ADAMTS12: variants seen among roughly 807,000 people sequenced by gnomAD.
ADAMTS12 encodes the protein ADAM metallopeptidase with thrombospondin type 1 motif 12.
ADAMTS12 carries 118 observed loss-of-function variants against 167.8 expected under a neutral mutation model. The ratio of observed to expected loss-of-function variants is 0.70; its 90% CI spans 0.61 to 0.82. The LOEUF (loss-of-function observed/expected upper bound fraction) is 0.82, where lower values mean the gene tolerates loss of function less well. Among genes scored for constraint, ADAMTS12 ranks in the 40% least tolerant of loss-of-function variants. The pLI is 0.00. For synonymous variants in ADAMTS12, 704 were observed against 716.9 expected, an observed-to-expected ratio of 0.98 and a Z score of 0.29; for missense variants, 1,916 against 1,998.8, an observed-to-expected ratio of 0.96 and a Z score of 0.79.
At chr5:33,747,510 TGGTTACTAATTTCATTCCACTACTG>T (rs1744833370) in intron 3 of ADAMTS12, among the ~76,000 whole-genome samples, 1 of 152,200 alleles carries the variant, frequency 6.6e-6, no homozygotes, top group African/African-American at 2.4e-5. Flanking sequence ...TTTATCTTAT[TGGTTACTAATTTCATTCCACTACTG>T]GGTGGAATGA....
intron 17 of ADAMTS12, among the ~76,000 whole-genome samples, chr5:33,593,318 T>G (rs1051332303): frequency 2.6e-5 from 4 of 152,150 alleles, no homozygotes; most frequent in African/African-American, 9.7e-5. Context: ...CTGCTTATCC[T>G]GAGATCCTAG....
intron 2 of ADAMTS12, among the ~76,000 whole-genome samples, chr5:33,839,942 C>T (rs1240389151): frequency 6.6e-6 from 1 of 152,190 alleles, no homozygotes; most frequent in African/African-American, 2.4e-5. Flanking sequence ...GAAAAAGACA[C>T]TACAAAAAGA....
At chr5:33,571,492 G>A (rs1258554900) in intron 19 of ADAMTS12, among the ~76,000 whole-genome samples, 1 of 152,118 alleles carries the variant, frequency 6.6e-6, no homozygotes, top group Non-Finnish European at 1.5e-5. Context: ...GCTCCCGAAT[G>A]ACTACTGGGT....
Position 33,624,325 on chromosome 5 carries a change from A to C in ADAMTS12, c.2049T>G (p.Asp683Glu), listed in dbSNP as rs61748198. The change falls in exon 14 of 24, where the codon GAT becomes GAG. Residue 683 changes from aspartate (D) to glutamate (E), a missense_variant. Coordinates refer to ENST00000504830, the MANE Select transcript of ADAMTS12 (RefSeq NM_030955.4). ...CGCAGCGATCCTCGGTGGCATTGGA[A>C]TCGATCTCATAGTCACAGCCAACCA... ...CKMVGCDYEIDSNATEDRCGV... is the reference protein window; with the variant it reads ...CKMVGCDYEIESNATEDRCGV... 1 of 1,613,898 alleles carries C rather than the reference A, an allele frequency of 6.2e-7. No homozygotes were observed. Among genetic ancestry groups the C allele is most frequent in the South Asian group, 1.1e-5 (1 of 91,062 alleles).
intron 3 of ADAMTS12, among the ~76,000 whole-genome samples, chr5:33,686,150 C>G (rs929912236): frequency 6.6e-6 from 1 of 152,170 alleles, no homozygotes; most frequent in Admixed American, 6.5e-5. Flanking sequence ...GTGAGGGTGA[C>G]TGGCAGACAG....
chr5:33,579,974 C>A (rs576988121), intron 18 of ADAMTS12, among the ~76,000 whole-genome samples: 2 of 151,876 alleles, frequency 1.3e-5, no homozygotes, highest in Non-Finnish European at 1.5e-5. Flanking sequence ...GAGGTAGGTG[C>A]AGGCACATGT....
intron 5 of ADAMTS12, among the ~76,000 whole-genome samples, chr5:33,672,577 AAAGCTCTACCTTTCAAT>A (rs1237446348): frequency 6.6e-6 from 1 of 152,222 alleles, no homozygotes; most frequent in African/African-American, 2.4e-5. Flanking sequence ...TTGGATCTGA[AAAGCTCTACCTTTCAAT>A]ATTGTCCTTT....
At chr5:33,784,933 A>G (rs1328532831) in intron 2 of ADAMTS12, among the ~76,000 whole-genome samples, 1 of 152,140 alleles carries the variant, frequency 6.6e-6, no homozygotes, top group African/African-American at 2.4e-5. Flanking sequence ...ACTTATTGTA[A>G]AGTTACAGTA....
rs79492549 is a variant in ADAMTS12 at position 33,523,907 on chromosome 5, A to G, written c.*3281T>C. ...TCACTGTGGACCAAGCACCAGAAAC[A>G]TCGTCCCAAAGATTCATCTTGAAGT... On this transcript the variant is annotated 3_prime_UTR_variant, in exon 24 of 24. Coordinates refer to ENST00000504830, the MANE Select transcript of ADAMTS12 (RefSeq NM_030955.4). The G allele has an allele frequency of 6.6e-6, 1 of 152,214 alleles. No individual in the cohort carries two copies. Among genetic ancestry groups the G allele is most frequent in the African/African-American group, 2.4e-5 (1 of 41,454 alleles). 9.4% of individuals were successfully genotyped at this position (152,214 alleles called of 1,614,324 possible). A position where few individuals can be genotyped will look rare whatever the true frequency, so the allele number is the denominator to read the frequency against.
chr5:33,659,091 T>G (rs1216774956), intron 6 of ADAMTS12, among the ~76,000 whole-genome samples: 1 of 152,182 alleles, frequency 6.6e-6, no homozygotes, highest in Non-Finnish European at 1.5e-5. Context: ...TGAGCTCTAG[T>G]TAATTGAACA....
chr5:33,830,526 C>T (rs768493779), intron 2 of ADAMTS12, among the ~76,000 whole-genome samples: 14 of 152,262 alleles, frequency 9.2e-5, no homozygotes, highest in African/African-American at 1.7e-4. Context: ...TAGTGACTCA[C>T]GCCTGTAATC....
intron 2 of ADAMTS12, among the ~76,000 whole-genome samples, chr5:33,814,065 G>T (rs754759913): frequency 1.3e-5 from 2 of 152,094 alleles, no homozygotes; most frequent in Non-Finnish European, 2.9e-5. Context: ...CCCAATCTGT[G>T]GCTTGCTATT....
Position 33,630,965 on chromosome 5 carries a change from T to A in ADAMTS12, c.1889-52A>T, listed in dbSNP as rs377625733. On this transcript the variant is annotated intron_variant, in intron 12 of 23. Coordinates refer to ENST00000504830, the MANE Select transcript of ADAMTS12 (RefSeq NM_030955.4). ...TTGCAAATTAGCTTTTAGCTCAGCATCCTCCCCCAGGATTCCTCCGTACTT... is the reference window on the plus strand; with the variant it reads ...TTGCAAATTAGCTTTTAGCTCAGCAACCTCCCCCAGGATTCCTCCGTACTT... 6 of 1,596,566 alleles carry A rather than the reference T, an allele frequency of 3.8e-6. No individual in the cohort carries two copies. The African/African-American group carries it at 8.0e-5, about 21-fold the overall frequency.
chr5:33,702,437 C>G (rs1743036986), intron 3 of ADAMTS12, among the ~76,000 whole-genome samples: 1 of 152,182 alleles, frequency 6.6e-6, no homozygotes, highest in Non-Finnish European at 1.5e-5. Flanking sequence ...TCCATCATCT[C>G]CTGTGTTTTT....
At chr5:33,833,221 A>G (rs143594874) in intron 2 of ADAMTS12, among the ~76,000 whole-genome samples, 38 of 152,316 alleles carry the variant, frequency 2.5e-4, no homozygotes, top group African/African-American at 9.1e-4. Context: ...GTAAGTTCCA[A>G]GTACACCTCC....
At chr5:33,870,112 T>C (rs1749980347) in intron 2 of ADAMTS12, among the ~76,000 whole-genome samples, 1 of 152,210 alleles carries the variant, frequency 6.6e-6, no homozygotes, top group South Asian at 2.1e-4. Flanking sequence ...TTATCTCCCT[T>C]GTTCCCTGAA....
intron 20 of ADAMTS12, among the ~76,000 whole-genome samples, chr5:33,553,742 T>C (rs369426036): frequency 6.6e-6 from 1 of 152,216 alleles, no homozygotes; most frequent in East Asian, 1.9e-4. Context: ...AGGGAGAGGA[T>C]CAGGAAAAAT....
intron 2 of ADAMTS12, among the ~76,000 whole-genome samples, chr5:33,784,685 A>G (rs549569060): frequency 3.8e-4 from 58 of 152,176 alleles, no homozygotes; most frequent in African/African-American, 1.4e-3. Flanking sequence ...TACCGAGATC[A>G]ACTAAAGAAT....
At chr5:33,661,859 C>A (rs1741271214) in intron 6 of ADAMTS12, 57 bp downstream of exon 6, 1 of 1,606,652 alleles carries the variant, frequency 6.2e-7, no homozygotes, top group African/African-American at 1.3e-5. Flanking sequence ...GTAAGCCTTT[C>A]ACCTGCCATC....
Sources: gnomAD v4.1 joint callset for allele counts (sites outside exome capture counted in the v4.1 genomes callset) on GRCh38, gnomAD v4.1.1 for gene constraint, MANE v1.5 for transcripts, NCBI Gene and HGNC (gene_info 2026-07-23, HGNC 2026-07-21) for gene names.